Variants in FMN1 observed in about 807,000 individuals in gnomAD.
FMN1 encodes the protein formin 1, also known as formin-1.
In FMN1, 110 loss-of-function variants were observed where a neutral mutation model predicts 132.4. That is an observed-to-expected ratio of 0.83 (90% confidence interval 0.71 to 0.97). The LOEUF is 0.97. Ranked by LOEUF, FMN1 falls within the 50% of genes least tolerant of loss-of-function variation. The pLI is 0.00. For synonymous variants in FMN1, 722 were observed against 651.7 expected (o/e 1.11, Z -1.64); for missense variants, 1,792 against 1,705.3 (o/e 1.05, Z -0.90).
At chr15:32,958,436 C>T (rs759956573) in intron 9 of FMN1, among the ~76,000 whole-genome samples, 8 of 152,076 alleles carry the variant, frequency 5.3e-5, no homozygotes, top group Non-Finnish European at 1.0e-4. Flanking sequence ...TTATCTTTCT[C>T]GGTCTTAGTT....
At chr15:32,962,157 C>A (rs1250071541) in intron 9 of FMN1, among the ~76,000 whole-genome samples, 1 of 151,782 alleles carries the variant, frequency 6.6e-6, no homozygotes, top group East Asian at 1.9e-4. Context: ...GCCCTCAACA[C>A]ATACCAATGC....
rs768825126 is a variant in FMN1 at position 32,881,784 on chromosome 15, C to T, written c.3835+6388G>A. 5.7e-4 allele frequency among the ~76,000 whole-genome samples: 87 copies of T among 152,164 alleles called. 1 individual carries two copies. The highest frequency in any genetic ancestry group is 2.6e-4 in the Admixed American group (4 of 15,276). On this transcript the variant is annotated intron_variant, in intron 16 of 20. Transcript: ENST00000616417. The stretch of plus-strand genomic sequence containing the variant: ...CTGGTCTTGAGCACAGGAAGCATAG[C>T]TCACCCTCTTATGTGACTTGACAAG...
intron 17 of FMN1, among the ~76,000 whole-genome samples, chr15:32,824,797 G>A (rs890684884): frequency 6.6e-6 from 1 of 152,156 alleles, no homozygotes; most frequent in Non-Finnish European, 1.5e-5. Context: ...AGCTACTCTC[G>A]TTCTGCCGAT....
intron 9 of FMN1, among the ~76,000 whole-genome samples, chr15:32,962,794 T>G (rs2030731349): frequency 6.6e-6 from 1 of 151,566 alleles, no homozygotes; most frequent in Non-Finnish European, 1.5e-5. Flanking sequence ...CACAATGAGA[T>G]ACCATCTCAA....
intron 4 of FMN1, among the ~76,000 whole-genome samples, chr15:33,104,834 A>T (rs968055631): frequency 6.6e-6 from 1 of 152,160 alleles, no homozygotes; most frequent in Non-Finnish European, 1.5e-5. Flanking sequence ...GCTTTGCAGA[A>T]ATTAAAATAT....
intron 4 of FMN1, among the ~76,000 whole-genome samples, chr15:33,107,027 T>A (rs1016871849): frequency 6.6e-6 from 1 of 152,102 alleles, no homozygotes; most frequent in African/African-American, 2.4e-5. Flanking sequence ...ATTGCTTGGC[T>A]AATACTCATT....
At chr15:32,797,946 T>C (rs991225981) in intron 19 of FMN1, among the ~76,000 whole-genome samples, 3 of 152,222 alleles carry the variant, frequency 2.0e-5, no homozygotes, top group Non-Finnish European at 4.4e-5. Flanking sequence ...AAAAGGTAGA[T>C]GCTATAATGA....
intron 6 of FMN1, among the ~76,000 whole-genome samples, chr15:33,042,952 T>G (rs2036507970): frequency 6.6e-6 from 1 of 152,000 alleles, no homozygotes; most frequent in Admixed American, 6.6e-5. Context: ...TCCTTATCCA[T>G]AACACAAAAA....
chr15:32,932,938 C>T (rs558535499), intron 9 of FMN1, among the ~76,000 whole-genome samples: 4 of 152,032 alleles, frequency 2.6e-5, no homozygotes, highest in Admixed American at 1.3e-4. Context: ...AAAACCAACT[C>T]GGTTGTGTTG....
chr15:33,155,418 G>C (rs17235784), intron 3 of FMN1, among the ~76,000 whole-genome samples: 28,862 of 152,086 alleles, frequency 0.19, 3,361 homozygotes, highest in Middle Eastern at 0.28. Context: ...GGGGCTTTGA[G>C]ATCCTTAGAA....
intron 9 of FMN1, among the ~76,000 whole-genome samples, chr15:32,937,650 T>C (rs145436637): frequency 1.3e-5 from 2 of 152,316 alleles, no homozygotes; most frequent in East Asian, 3.9e-4. Flanking sequence ...CCACCAAATA[T>C]GCTCCCAGTC....
chr15:32,809,582 T>C (rs1029955355), intron 17 of FMN1, among the ~76,000 whole-genome samples: 1 of 152,174 alleles, frequency 6.6e-6, no homozygotes, highest in African/African-American at 2.4e-5. Flanking sequence ...TTGGGCACTT[T>C]GCTCCTTCTG....
intron 7 of FMN1, among the ~76,000 whole-genome samples, chr15:32,993,319 C>A (rs2033557270): frequency 6.6e-6 from 1 of 152,192 alleles, no homozygotes; most frequent in Admixed American, 6.5e-5. Context: ...TGAAAATTAT[C>A]ATTGTTCTAT....
chr15:33,080,074 AT>A (rs34065888), intron 5 of FMN1, among the ~76,000 whole-genome samples: 11,595 of 152,314 alleles, frequency 0.076, 562 homozygotes, highest in Middle Eastern at 0.12. Flanking sequence ...CTACTCTGAT[AT>A]TTCTAAATTC....
intron 17 of FMN1, among the ~76,000 whole-genome samples, chr15:32,838,027 G>A (rs1269327401): frequency 6.6e-6 from 1 of 152,174 alleles, no homozygotes; most frequent in Non-Finnish European, 1.5e-5. Context: ...TTAGGAGGCT[G>A]AGGTGGAGGG....
chr15:33,153,983 T>C lies in FMN1; in HGVS notation c.932A>G (p.Asp311Gly). The change falls in exon 4 of 21, where the codon GAT (aspartate) becomes GGT (glycine). Residue 311 changes from aspartate (D) to glycine (G), a missense_variant. Coordinates refer to ENST00000616417, the MANE Select transcript of FMN1 (RefSeq NM_001277313.2). ...CCGCTTAGCCGGCTTCTCCATCTCA[T>C]CCTTTTCTGCCTCTGGATGCTTCTC... ...DPEKHPEAEK[D>G]EMEKPAKRTC... is the part of the protein sequence containing the mutation. 6.5e-7 allele frequency: 1 copy of C among 1,536,714 alleles called. No homozygotes were observed. The highest frequency in any genetic ancestry group is 8.7e-7 in the Non-Finnish European group (1 of 1,147,038).
chr15:33,156,887 C>G (rs1964692167), intron 3 of FMN1, among the ~76,000 whole-genome samples: 1 of 152,186 alleles, frequency 6.6e-6, no homozygotes, highest in Non-Finnish European at 1.5e-5. Context: ...CCTCTCTCTT[C>G]AAGCATCATT....
chr15:32,968,083 C>T (rs2031412301), intron 8 of FMN1, among the ~76,000 whole-genome samples: 1 of 152,214 alleles, frequency 6.6e-6, no homozygotes, highest in Non-Finnish European at 1.5e-5. Context: ...AAGATGCTTT[C>T]AGCTATCCAC....
At chr15:32,953,386 C>A (rs961275921) in intron 9 of FMN1, among the ~76,000 whole-genome samples, 2 of 152,194 alleles carry the variant, frequency 1.3e-5, no homozygotes, top group African/African-American at 2.4e-5. Flanking sequence ...TGGGCTGAGG[C>A]ATAACTCAGA....
Sources: gnomAD v4.1 joint callset for allele counts (sites outside exome capture counted in the v4.1 genomes callset) on GRCh38, gnomAD v4.1.1 for gene constraint, MANE v1.5 for transcripts, NCBI Gene and HGNC (gene_info 2026-07-23, HGNC 2026-07-21) for gene names.